GDF15: variants seen among roughly 807,000 people sequenced by gnomAD.
The protein encoded by GDF15 is growth differentiation factor 15, also known as growth/differentiation factor 15.
Under a neutral mutation model 8.9 loss-of-function variants are expected in GDF15, and 10 were observed. The observed-to-expected ratio is 1.12, with a 90% CI of 0.69 to 1.90. GDF15 has a LOEUF of 1.90. GDF15 is among the 40% of genes most tolerant of loss of function. The pLI, the probability that GDF15 is intolerant of heterozygous loss-of-function variation, is 0.00. For missense variants in GDF15, 452 were observed against 434.2 expected (o/e 1.04, Z -0.36); for synonymous variants, 228 against 210.6 (o/e 1.08, Z -0.72).
At chr19:18,386,755 C>T (rs1363200529) in intron 1 of GDF15, 1 of 461,594 alleles carries the variant, frequency 2.2e-6, no homozygotes. Context: ...AACCCGGGGA[C>T]GGGGTCGGGC....
intron 1 of GDF15, chr19:18,386,782 G>A (rs1406428656): frequency 1.3e-5 from 5 of 378,652 alleles, no homozygotes; most frequent in Non-Finnish European, 2.4e-5. Flanking sequence ...TGTGGGCATG[G>A]TCCCTGACCT....
chr19:18,387,813 C>CTAAATGCCCTTTTTTTTTTTTTTTTTTTT (rs1971848003), intron 1 of GDF15, among the ~76,000 whole-genome samples: 1 of 70,354 alleles, frequency 1.4e-5, no homozygotes, highest in Admixed American at 1.9e-4. Flanking sequence ...GAGAAATGCC[C>CTAAATGCCCTTTTTTTTTTTTTTTTTTTT]TTTTTTTTTT....
At position 18,389,092 on chromosome 19, in the gene GDF15, C is replaced by A. The variant is rs1196393880; in HGVS notation, c.*157C>A. On this transcript the variant is annotated 3_prime_UTR_variant, in exon 2 of 2. Transcript: ENST00000252809. ...TTTATTATTAATTTATTGGGGTGACCTTCTTGGGGACTCGGGGGCTGGTCT... is the reference window on the plus strand; with the variant it reads ...TTTATTATTAATTTATTGGGGTGACATTCTTGGGGACTCGGGGGCTGGTCT... 1.8e-6 allele frequency: 1 copy of A among 550,800 alleles called. No individual in the cohort carries two copies. The highest frequency in any genetic ancestry group is 3.4e-5 in the Admixed American group (1 of 29,340). 34.1% of individuals were successfully genotyped at this position (550,800 alleles called of 1,614,324 possible). A position where few individuals can be genotyped will look rare whatever the true frequency, so the allele number is the denominator to read the frequency against.
At position 18,388,728 on chromosome 19, in the gene GDF15, C is replaced by T; in HGVS notation, c.720C>T (p.Cys240=). 1.9e-6 allele frequency: 3 copies of T among 1,608,914 alleles called. No homozygotes were observed. Among genetic ancestry groups the T allele is most frequent in the Non-Finnish European group, 2.5e-6 (3 of 1,179,262 alleles). ...CACGGGAGGTGCAAGTGACCATGTG[C>T]ATCGGCGCGTGCCCGAGCCAGTTCC... ...LSPREVQVTM[C]IGACPSQFRA... The change falls in exon 2 of 2, where the codon TGC becomes TGT. Residue 240 remains cysteine, a synonymous_variant. Coordinates refer to ENST00000252809, the MANE Select transcript of GDF15 (RefSeq NM_004864.4). The surrounding 1 kb of genome is among the most constrained non-coding windows in gnomAD (Gnocchi z 4.2).
chr19:18,388,775 A>C lies in GDF15; in HGVS notation c.767A>C (p.Gln256Pro). Residue 256 changes from glutamine (Q) to proline (P), a missense_variant, in exon 2 of 2, where the codon CAG (glutamine) becomes CCG (proline). Coordinates refer to ENST00000252809, the MANE Select transcript of GDF15 (RefSeq NM_004864.4). The surrounding 1 kb of genome is among the most constrained non-coding windows in gnomAD (Gnocchi z 4.2). Reference protein sequence around the residue: ...SQFRAANMHAQIKTSLHRLKP... With the variant: ...SQFRAANMHAPIKTSLHRLKP... ...TTCCGGGCGGCAAACATGCACGCGC[A>C]GATCAAGACGAGCCTGCACCGCCTG... 1 of 1,610,184 alleles carries C rather than the reference A, an allele frequency of 6.2e-7. No homozygotes were observed. The highest frequency in any genetic ancestry group is 8.5e-7 in the Non-Finnish European group (1 of 1,179,804).
chr19:18,386,345 A>G lies in GDF15; in HGVS notation c.156A>G (p.Arg52=), dbSNP rs1165306529. 6.2e-7 allele frequency: 1 copy of G among 1,614,134 alleles called. No homozygotes were observed. The highest frequency in any genetic ancestry group is 1.3e-5 in the African/African-American group (1 of 75,052). The change falls in exon 1 of 2, where the codon AGA becomes AGG. Residue 52 remains arginine (R), a synonymous_variant. Transcript: ENST00000252809. ...CAGAGTTGCACTCCGAAGACTCCAG[A>G]TTCCGAGAGTTGCGGAAACGCTACG... ...GPSELHSEDS[R]FRELRKRYED... is the part of the protein sequence containing the mutation.
chr19:18,388,711 G>A lies in GDF15; in HGVS notation c.703G>A (p.Val235Met). Residue 235 changes from valine (V) to methionine (M), a missense_variant, in exon 2 of 2, where the codon GTG becomes ATG. By Grantham distance (21) the Val-to-Met change is conservative. Coordinates refer to ENST00000252809, the MANE Select transcript of GDF15 (RefSeq NM_004864.4). The surrounding 1 kb of genome is among the most constrained non-coding windows in gnomAD (Gnocchi z 4.2). ...WADWVLSPRE[V>M]QVTMCIGACP... The stretch of plus-strand genomic sequence containing the variant: ...CGATTGGGTGCTGTCGCCACGGGAG[G>A]TGCAAGTGACCATGTGCATCGGCGC... The A allele has an allele frequency of 1.2e-6, 2 of 1,609,290 alleles. No homozygotes were observed. Among genetic ancestry groups the A allele is most frequent in the Non-Finnish European group, 1.7e-6 (2 of 1,179,126 alleles).
rs556858157 is a variant in GDF15 at position 18,388,689 on chromosome 19, T to C, written c.681T>C (p.Asp227=). 1.2e-6 allele frequency: 2 copies of C among 1,608,054 alleles called. No homozygotes were observed. Among genetic ancestry groups the C allele is most frequent in the South Asian group, 1.1e-5 (1 of 90,974 alleles). The change falls in exon 2 of 2, where the codon GAT becomes GAC. Residue 227 remains aspartate, a synonymous_variant. Coordinates refer to ENST00000252809, the MANE Select transcript of GDF15 (RefSeq NM_004864.4). The surrounding 1 kb of genome is among the most constrained non-coding windows in gnomAD (Gnocchi z 4.2). ...CGCTGGAAGACCTGGGCTGGGCCGA[T>C]TGGGTGCTGTCGCCACGGGAGGTGC... is the stretch of plus-strand genomic sequence containing the variant. The part of the protein sequence containing the change: ...RASLEDLGWA[D]WVLSPREVQV...
intron 1 of GDF15, chr19:18,386,699 G>A: frequency 1.8e-6 from 1 of 566,252 alleles, no homozygotes; most frequent in South Asian, 2.1e-5. Context: ...GGAAACTGAG[G>A]TACAGGGATG....
At position 18,389,121 on chromosome 19, in the gene GDF15, G is replaced by C; in HGVS notation, c.*186G>C. On this transcript the variant is annotated 3_prime_UTR_variant, in exon 2 of 2. Coordinates refer to ENST00000252809, the MANE Select transcript of GDF15 (RefSeq NM_004864.4). ...TTGGGGACTCGGGGGCTGGTCTGATGGAACTGTGTATTTATTTAAAACTCT... is the reference window on the plus strand; with the variant it reads ...TTGGGGACTCGGGGGCTGGTCTGATCGAACTGTGTATTTATTTAAAACTCT... 1 of 519,308 alleles carries C rather than the reference G, an allele frequency of 1.9e-6. No homozygotes were observed. Among genetic ancestry groups the C allele is most frequent in the South Asian group, 3.0e-5 (1 of 32,978 alleles). The allele number at this position is 519,308 out of a possible 1,614,324, so 32.2% of individuals were successfully genotyped here.
rs760720564 is a variant in GDF15, at chr19:18,386,417, G to A, written c.228G>A (p.Ser76=). 5 of 1,613,744 alleles carry A rather than the reference G, an allele frequency of 3.1e-6. No individual in the cohort carries two copies. The highest frequency in any genetic ancestry group is 2.2e-5 in the East Asian group (1 of 44,876). ...GGGCCAACCAGAGCTGGGAAGATTC[G>A]AACACCGACCTCGTCCCGGCCCCTG... ...RLRANQSWED[S]NTDLVPAPAV... The change falls in exon 1 of 2, where the codon TCG becomes TCA. Residue 76 remains serine, a synonymous_variant. Coordinates refer to ENST00000252809, the MANE Select transcript of GDF15 (RefSeq NM_004864.4).
Position 18,386,312 on chromosome 19 carries a change from G to A in GDF15, c.123G>A (p.Pro41=), listed in dbSNP as rs776544586. 4 of 1,613,972 alleles carry A rather than the reference G, an allele frequency of 2.5e-6. No individual in the cohort carries two copies. In the African/African-American group the frequency reaches 4.0e-5, roughly 16 times the overall value. The change falls in exon 1 of 2, where the codon CCG becomes CCA. Residue 41 remains proline (P), a synonymous_variant. Coordinates refer to ENST00000252809, the MANE Select transcript of GDF15 (RefSeq NM_004864.4). ...CCGAGGCGAGCCGCGCAAGTTTCCC[G>A]GGACCCTCAGAGTTGCACTCCGAAG... ...SLAEASRASF[P]GPSELHSEDS... is the part of the protein sequence containing the mutation.
At position 18,388,766 on chromosome 19, in the gene GDF15, T is replaced by C; in HGVS notation, c.758T>C (p.Met253Thr). 1.2e-6 allele frequency: 2 copies of C among 1,609,992 alleles called. No individual in the cohort carries two copies. The highest frequency in any genetic ancestry group is 1.7e-6 in the Non-Finnish European group (2 of 1,179,770). ...ACPSQFRAAN[M>T]HAQIKTSLHR... ...CCGAGCCAGTTCCGGGCGGCAAACATGCACGCGCAGATCAAGACGAGCCTG... is the reference window on the plus strand; with the variant it reads ...CCGAGCCAGTTCCGGGCGGCAAACACGCACGCGCAGATCAAGACGAGCCTG... The change falls in exon 2 of 2, where the codon ATG (methionine) becomes ACG (threonine). Residue 253 changes from methionine to threonine, a missense_variant. Coordinates refer to ENST00000252809, the MANE Select transcript of GDF15 (RefSeq NM_004864.4). The surrounding 1 kb of genome is among the most constrained non-coding windows in gnomAD (Gnocchi z 4.2).
rs1194594571 is a variant in GDF15 at position 18,388,610 on chromosome 19, A to T, written c.602A>T (p.Asp201Val). ...GRRRARARNGDHCPLGPGRCC... is the reference protein window; with the variant it reads ...GRRRARARNGVHCPLGPGRCC... ...CGCAGAGCGCGTGCGCGCAACGGGGACCACTGTCCGCTCGGGCCCGGGCGT... is the reference window on the plus strand; with the variant it reads ...CGCAGAGCGCGTGCGCGCAACGGGGTCCACTGTCCGCTCGGGCCCGGGCGT... Residue 201 changes from aspartate (D) to valine (V), a missense_variant, in exon 2 of 2, where the codon GAC (aspartate) becomes GTC (valine). Physicochemically the swap from Asp to Val is radical, Grantham distance 152 (BLOSUM62 -3). Coordinates refer to ENST00000252809, the MANE Select transcript of GDF15 (RefSeq NM_004864.4). The surrounding 1 kb of genome is among the most constrained non-coding windows in gnomAD (Gnocchi z 4.2). 6.3e-7 allele frequency: 1 copy of T among 1,599,596 alleles called. No homozygotes were observed. Among genetic ancestry groups the T allele is most frequent in the African/African-American group, 1.3e-5 (1 of 74,460 alleles).
At chr19:18,386,592 G>A in intron 1 of GDF15, 126 bp downstream of exon 1, 1 of 773,294 alleles carries the variant, frequency 1.3e-6, no homozygotes, top group Non-Finnish European at 2.1e-6. Context: ...GCCCTGGGTA[G>A]GAATATCCTG....
Position 18,388,759 on chromosome 19 carries a change from G to C in GDF15, c.751G>C (p.Ala251Pro). The stretch of plus-strand genomic sequence containing the variant: ...CGCGTGCCCGAGCCAGTTCCGGGCG[G>C]CAAACATGCACGCGCAGATCAAGAC... ...IGACPSQFRA[A>P]NMHAQIKTSL... Residue 251 changes from alanine (A) to proline (P), a missense_variant, in exon 2 of 2, where the codon GCA becomes CCA. Physicochemically the swap from Ala to Pro is conservative, Grantham distance 27. Coordinates refer to ENST00000252809, the MANE Select transcript of GDF15 (RefSeq NM_004864.4). This position sits in a 1 kb window ranked among gnomAD's most constrained non-coding sequence, Gnocchi z 4.2. 2 of 1,609,518 alleles carry C rather than the reference G, an allele frequency of 1.2e-6. No homozygotes were observed. The highest frequency in any genetic ancestry group is 1.7e-6 in the Non-Finnish European group (2 of 1,179,558).
intron 1 of GDF15, 185 bp downstream of exon 1, chr19:18,386,651 A>C: frequency 1.7e-6 from 1 of 599,598 alleles, no homozygotes; most frequent in Non-Finnish European, 3.0e-6. Flanking sequence ...TGCACCCACA[A>C]CGTGGGAGGT....
Position 18,386,349 on chromosome 19 carries a change from C to T in GDF15, c.160C>T (p.Arg54Ter). 1 of 1,614,114 alleles carries T rather than the reference C, an allele frequency of 6.2e-7. No homozygotes were observed. Reference protein sequence around the residue: ...SELHSEDSRFRELRKRYEDLL... With the variant: ...SELHSEDSRF ...GTTGCACTCCGAAGACTCCAGATTC[C>T]GAGAGTTGCGGAAACGCTACGAGGA... Residue 54 changes from arginine to a stop codon, truncating the protein, a stop_gained, in exon 1 of 2, where the codon CGA becomes TGA. Transcript: ENST00000252809. LOFTEE classifies it high-confidence loss of function.
chr19:18,388,525 T>A lies in GDF15; in HGVS notation c.517T>A (p.Ser173Thr). Residue 173 changes from serine to threonine, a missense_variant, in exon 2 of 2, where the codon TCT becomes ACT. Ser to Thr is a moderately conservative substitution (Grantham distance 58). Coordinates refer to ENST00000252809, the MANE Select transcript of GDF15 (RefSeq NM_004864.4). The surrounding 1 kb of genome is among the most constrained non-coding windows in gnomAD (Gnocchi z 4.2). ...PSQSDQLLAE[S>T]SSARPQLELH... is the part of the protein sequence containing the mutation. ...GCAGTCGGACCAACTGCTGGCAGAA[T>A]CTTCGTCCGCACGGCCCCAGCTGGA... 6.3e-7 allele frequency: 1 copy of A among 1,599,368 alleles called. No individual in the cohort carries two copies. The highest frequency in any genetic ancestry group is 8.5e-7 in the Non-Finnish European group (1 of 1,175,524).
Sources: gnomAD v4.1 joint callset for allele counts (sites outside exome capture counted in the v4.1 genomes callset) on GRCh38, gnomAD v4.1.1 for gene constraint, Gnocchi (gnomAD v3.1) non-coding constraint, MANE v1.5 for transcripts, NCBI Gene and HGNC (gene_info 2026-07-23, HGNC 2026-07-21) for gene names.